The following ST8SIA1 variants were observed in gnomAD, a reference collection of about 807,000 sequenced individuals.
ST8SIA1 encodes alpha-N-acetylneuraminide alpha-2,8-sialyltransferase.
In ST8SIA1, 16 loss-of-function variants were observed where a neutral mutation model predicts 35.9. That is an observed-to-expected ratio of 0.45 (90% CI 0.30 to 0.68). The LOEUF (loss-of-function observed/expected upper bound fraction) is 0.68. Ranked by LOEUF, ST8SIA1 falls within the 30% of genes least tolerant of loss-of-function variation. The pLI, the probability that ST8SIA1 is intolerant of heterozygous loss-of-function variation, is 0.09. For synonymous variants in ST8SIA1, 170 were observed against 169.6 expected (o/e 1.00, Z -0.02); for missense variants, 383 against 453.6 (o/e 0.84, Z 1.41).
At chr12:22,259,943 T>C (rs1443806093) in intron 2 of ST8SIA1, among the ~76,000 whole-genome samples, 2 of 152,182 alleles carry the variant, frequency 1.3e-5, no homozygotes, top group African/African-American at 4.8e-5. Context: ...CATTGCCACA[T>C]GAATATTACT....
chr12:22,329,890 A>G (rs542062001), intron 1 of ST8SIA1, among the ~76,000 whole-genome samples: 2 of 152,324 alleles, frequency 1.3e-5, no homozygotes, highest in Middle Eastern at 3.4e-3. Flanking sequence ...CACTGGTAAC[A>G]GTGATGTGCC....
At chr12:22,242,983 GCTGTAGCAAAGCTCCTTCTTA>G (rs917382375) in intron 4 of ST8SIA1, among the ~76,000 whole-genome samples, 26 of 152,204 alleles carry the variant, frequency 1.7e-4, no homozygotes, top group South Asian at 4.2e-4. Flanking sequence ...CCTAACAAAG[GCTGTAGCAAAGCTCCTTCTTA>G]CTGTAGCAAA....
intron 4 of ST8SIA1, among the ~76,000 whole-genome samples, chr12:22,211,260 A>G (rs1337596782): frequency 6.6e-6 from 1 of 152,202 alleles, no homozygotes; most frequent in Non-Finnish European, 1.5e-5. Flanking sequence ...GTTTTTATGG[A>G]AGCTTCATTA....
At chr12:22,309,889 A>G (rs1309361036) in intron 1 of ST8SIA1, among the ~76,000 whole-genome samples, 2 of 152,176 alleles carry the variant, frequency 1.3e-5, no homozygotes, top group Non-Finnish European at 2.9e-5. Context: ...CCTTTCATAT[A>G]TATTACCTTC....
intron 1 of ST8SIA1, among the ~76,000 whole-genome samples, chr12:22,316,292 G>A (rs1866519089): frequency 6.6e-6 from 1 of 152,076 alleles, no homozygotes; most frequent in Admixed American, 6.6e-5. Context: ...TATGGCTTTA[G>A]AAAAGAACAA....
chr12:22,301,856 A>T (rs1466986639), intron 1 of ST8SIA1, among the ~76,000 whole-genome samples: 4 of 152,136 alleles, frequency 2.6e-5, no homozygotes, highest in African/African-American at 9.7e-5. Context: ...AGAGTAATTC[A>T]TCCAACTCAT....
At chr12:22,295,404 C>T (rs759939880) in intron 1 of ST8SIA1, among the ~76,000 whole-genome samples, 1 of 151,908 alleles carries the variant, frequency 6.6e-6, no homozygotes, top group Non-Finnish European at 1.5e-5. Context: ...ATATGGGAGC[C>T]CTCATAAGAA....
rs2120593304 is a variant in ST8SIA1 at position 22,198,555 on chromosome 12, AC to A, written c.*2996del. 1 of 151,538 alleles carries A rather than the reference AC, an allele frequency of 6.6e-6. No individual in the cohort carries two copies. The highest frequency in any genetic ancestry group is 2.1e-4 in the South Asian group (1 of 4,762). 9.4% of individuals were successfully genotyped at this position (151,538 alleles called of 1,614,324 possible). On this transcript the variant is annotated 3_prime_UTR_variant, in exon 5 of 5. Transcript: ENST00000396037. Reference sequence around the variant, plus strand: ...CACACACACACACACACACACACACACACACACACACACTCCTATCTAACCA... The same window carrying A: ...CACACACACACACACACACACACACAACACACACACACTCCTATCTAACCA...
At chr12:22,229,336 G>T (rs1466350003) in intron 4 of ST8SIA1, among the ~76,000 whole-genome samples, 1 of 152,084 alleles carries the variant, frequency 6.6e-6, no homozygotes, top group Non-Finnish European at 1.5e-5. Flanking sequence ...GACTTCAATG[G>T]CTGAGCATGG....
intron 4 of ST8SIA1, among the ~76,000 whole-genome samples, chr12:22,220,728 C>T (rs11046344): frequency 0.75 from 114,737 of 152,098 alleles, 43,464 homozygotes; most frequent in South Asian, 0.91. Context: ...GCTAATTTTT[C>T]CCTCCCAGGA....
At chr12:22,248,963 A>C (rs768832494) in intron 4 of ST8SIA1, 43 bp downstream of exon 4, 2 of 1,441,022 alleles carry the variant, frequency 1.4e-6, no homozygotes, top group Non-Finnish European at 2.0e-6. Flanking sequence ...ACTTGAGAAG[A>C]CTTCATCTTC....
intron 2 of ST8SIA1, among the ~76,000 whole-genome samples, chr12:22,260,366 T>C (rs1865775993): frequency 6.6e-6 from 1 of 152,276 alleles, no homozygotes; most frequent in East Asian, 1.9e-4. Context: ...TTCGCCGTGC[T>C]GCCCAGGCTG....
At chr12:22,203,890 C>T (rs778114774) in intron 4 of ST8SIA1, among the ~76,000 whole-genome samples, 3 of 152,144 alleles carry the variant, frequency 2.0e-5, no homozygotes, top group Non-Finnish European at 4.4e-5. Flanking sequence ...CCAGAGAGTT[C>T]ACTAATATCA....
chr12:22,276,609 G>C (rs73251904), intron 2 of ST8SIA1, among the ~76,000 whole-genome samples: 291 of 152,182 alleles, frequency 1.9e-3, no homozygotes, highest in African/African-American at 6.6e-3. Context: ...CCCCACCCCT[G>C]CCCGACTCTG....
At chr12:22,318,436 G>T (rs1866545893) in intron 1 of ST8SIA1, among the ~76,000 whole-genome samples, 1 of 152,158 alleles carries the variant, frequency 6.6e-6, no homozygotes, top group African/African-American at 2.4e-5. Flanking sequence ...ATAAAAGGGG[G>T]AATTAAGCAA....
At position 22,199,497 on chromosome 12, in the gene ST8SIA1, T is replaced by C. The variant is rs1296930792; in HGVS notation, c.*2055A>G. The stretch of plus-strand genomic sequence containing the variant: ...AACATATTTAAAGTTTCACTCAAAG[T>C]GAATATTTAACACAATTTCTTCATG... On this transcript the variant is annotated 3_prime_UTR_variant, in exon 5 of 5. Coordinates refer to ENST00000396037, the MANE Select transcript of ST8SIA1 (RefSeq NM_003034.4). The C allele has an allele frequency of 1.3e-5, 2 of 152,198 alleles. No individual in the cohort carries two copies. The highest frequency in any genetic ancestry group is 2.9e-5 in the Non-Finnish European group (2 of 68,038). 9.4% of individuals were successfully genotyped at this position (152,198 alleles called of 1,614,324 possible).
rs1253746852 is a variant in ST8SIA1, at chr12:22,201,522, C to T, written c.*30G>A. ...ACATAGAAAACCTAACAAAAATACC[C>T]TGGTTCAGTCCTTTCTTCTTCCATT... On this transcript the variant is annotated 3_prime_UTR_variant, in exon 5 of 5. Coordinates refer to ENST00000396037, the MANE Select transcript of ST8SIA1 (RefSeq NM_003034.4). 1 of 1,558,692 alleles carries T rather than the reference C, an allele frequency of 6.4e-7. No homozygotes were observed. The highest frequency in any genetic ancestry group is 1.4e-5 in the African/African-American group (1 of 73,174).
intron 4 of ST8SIA1, among the ~76,000 whole-genome samples, chr12:22,218,206 C>T (rs535844866): frequency 4.6e-5 from 7 of 151,970 alleles, no homozygotes; most frequent in African/African-American, 1.7e-4. Flanking sequence ...TGCCTGTAAT[C>T]CCAGCTACTC....
In ST8SIA1 at chr12:22,334,163, G is replaced by A. The variant is rs1866813648; in HGVS notation, c.70C>T (p.Pro24Ser). ...GAMAVLAWKFPRTRLPMGASA... is the reference protein window; with the variant it reads ...GAMAVLAWKFSRTRLPMGASA... Reference sequence around the variant, plus strand: ...GCTCCCATGGGCAGCCGGGTCCGCGGGAACTTCCACGCCAGTACAGCCATG... The same window carrying A: ...GCTCCCATGGGCAGCCGGGTCCGCGAGAACTTCCACGCCAGTACAGCCATG... The change falls in exon 1 of 5, where the codon CCG becomes TCG. Residue 24 changes from proline to serine, a missense_variant. Transcript: ENST00000396037. The A allele has an allele frequency of 6.2e-7, 1 of 1,614,088 alleles. No homozygotes were observed. The highest frequency in any genetic ancestry group is 1.3e-5 in the African/African-American group (1 of 75,048).
Sources: allele counts gnomAD v4.1 joint callset (sites outside exome capture counted in the v4.1 genomes callset), GRCh38; gene constraint gnomAD v4.1.1; transcripts MANE v1.5; gene names NCBI Gene and HGNC (gene_info 2026-07-23, HGNC 2026-07-21).